The following XPR1 variants were observed in gnomAD, a reference collection of about 807,000 sequenced individuals.
The protein encoded by XPR1 is solute carrier family 53 member 1.
XPR1 carries 28 observed loss-of-function variants against 87.5 expected under a neutral mutation model. That is an observed-to-expected ratio of 0.32 (90% CI 0.24 to 0.44). The LOEUF (loss-of-function observed/expected upper bound fraction) is 0.44. Ranked by LOEUF, XPR1 falls within the 20% of genes least tolerant of loss-of-function variation. The pLI is 1.00. For missense variants in XPR1, 559 were observed against 862.3 expected, an observed-to-expected ratio of 0.65 and a Z score of 4.41; for synonymous variants, 300 against 306.1, an observed-to-expected ratio of 0.98 and a Z score of 0.21.
At chr1:180,775,943 G>A (rs1405085807) in intron 2 of XPR1, among the ~76,000 whole-genome samples, 1 of 152,106 alleles carries the variant, frequency 6.6e-6, no homozygotes, top group Admixed American at 6.5e-5. Context: ...CAGTCAAGAA[G>A]TCCTCTTTCA....
chr1:180,670,221 T>C (rs1312969523), intron 1 of XPR1, among the ~76,000 whole-genome samples: 1 of 152,210 alleles, frequency 6.6e-6, no homozygotes, highest in African/African-American at 2.4e-5. Flanking sequence ...TTTAATTCAT[T>C]TACATCTAAA....
chr1:180,776,684 A>G (rs1160071552), intron 2 of XPR1, among the ~76,000 whole-genome samples: 2 of 152,140 alleles, frequency 1.3e-5, no homozygotes, highest in African/African-American at 4.8e-5. Context: ...CTCCCACTTT[A>G]CTAATGAATT....
At chr1:180,632,941 G>T (rs1001263622) in intron 1 of XPR1, among the ~76,000 whole-genome samples, 1 of 152,232 alleles carries the variant, frequency 6.6e-6, no homozygotes, top group African/African-American at 2.4e-5. Context: ...ATTGCATGAA[G>T]TCTACAGAGT....
At chr1:180,875,743 C>T (rs61811242) in intron 13 of XPR1, among the ~76,000 whole-genome samples, 5 of 151,896 alleles carry the variant, frequency 3.3e-5, no homozygotes, top group African/African-American at 4.8e-5. Flanking sequence ...AAAACAAACA[C>T]ACAATACAGA....
At chr1:180,859,630 G>A (rs1372083568) in intron 11 of XPR1, among the ~76,000 whole-genome samples, 2 of 152,058 alleles carry the variant, frequency 1.3e-5, no homozygotes, top group Admixed American at 1.3e-4. Context: ...CCAAAATGTA[G>A]CATTTGTAGA....
chr1:180,837,260 C>A (rs1054370954), intron 11 of XPR1, among the ~76,000 whole-genome samples: 2 of 152,162 alleles, frequency 1.3e-5, no homozygotes, highest in Admixed American at 1.3e-4. Flanking sequence ...CCACATGCAG[C>A]CACTCCTTTT....
intron 1 of XPR1, among the ~76,000 whole-genome samples, chr1:180,655,966 A>G (rs1434545743): frequency 6.6e-6 from 1 of 151,992 alleles, no homozygotes; most frequent in African/African-American, 2.4e-5. Context: ...CAAACAATCT[A>G]ATTATCCTCT....
chr1:180,850,961 TAAAA>T (rs34627089), intron 11 of XPR1, among the ~76,000 whole-genome samples: 7 of 139,338 alleles, frequency 5.0e-5, no homozygotes, highest in African/African-American at 5.3e-5. Context: ...CCTGTGTCTT[TAAAA>T]AAAAAAAAAA....
Position 180,859,986 on chromosome 1 carries a change from T to G in XPR1, c.1502-3722T>G, listed in dbSNP as rs899422068. On this transcript the variant is annotated intron_variant, in intron 11 of 14. Transcript: ENST00000367590. Reference sequence around the variant, plus strand: ...AAGAGAACTGGAATACAGAATAAATTTTAAAATTTCAGACAATGCAATAAT... The same window carrying G: ...AAGAGAACTGGAATACAGAATAAATGTTAAAATTTCAGACAATGCAATAAT... Among the ~76,000 whole-genome samples, 28 of 152,062 alleles carry G rather than the reference T, an allele frequency of 1.8e-4. No individual in the cohort carries two copies. The South Asian group carries it at 5.8e-3, about 32-fold the overall frequency.
At chr1:180,753,874 A>G (rs765623481) in intron 2 of XPR1, among the ~76,000 whole-genome samples, 2 of 152,166 alleles carry the variant, frequency 1.3e-5, no homozygotes, top group Non-Finnish European at 2.9e-5. Flanking sequence ...CTGTTCTTAT[A>G]GTTGTTTTAT....
intron 3 of XPR1, among the ~76,000 whole-genome samples, chr1:180,796,911 C>T (rs973217407): frequency 1.3e-5 from 2 of 152,010 alleles, no homozygotes; most frequent in Admixed American, 6.6e-5. Context: ...AACCCAAACA[C>T]AAAAGATTAT....
intron 2 of XPR1, among the ~76,000 whole-genome samples, chr1:180,761,923 A>G (rs1004506615): frequency 6.6e-6 from 1 of 152,196 alleles, no homozygotes; most frequent in Non-Finnish European, 1.5e-5. Context: ...CAGATACACC[A>G]TGGAATACTA....
chr1:180,749,861 T>C (rs1361029635), intron 2 of XPR1, among the ~76,000 whole-genome samples: 1 of 152,210 alleles, frequency 6.6e-6, no homozygotes, highest in Non-Finnish European at 1.5e-5. Flanking sequence ...GTCTGTTTTA[T>C]GCTTTAATAT....
intron 2 of XPR1, among the ~76,000 whole-genome samples, chr1:180,763,321 C>T (rs1648125643): frequency 6.6e-6 from 1 of 152,146 alleles, no homozygotes; most frequent in South Asian, 2.1e-4. Context: ...CACAGTTGTG[C>T]ATACTTGGCA....
intron 6 of XPR1, among the ~76,000 whole-genome samples, chr1:180,808,000 A>G (rs1487145625): frequency 5.3e-5 from 8 of 152,184 alleles, no homozygotes. Flanking sequence ...CTGTCTCCAA[A>G]AAAAGAAAAG....
chr1:180,703,054 T>C (rs1657407059), intron 2 of XPR1, among the ~76,000 whole-genome samples: 1 of 152,204 alleles, frequency 6.6e-6, no homozygotes, highest in Non-Finnish European at 1.5e-5. Context: ...CTTTAATTAG[T>C]GTCAGTGGTA....
intron 6 of XPR1, among the ~76,000 whole-genome samples, chr1:180,807,075 T>TA (rs569458438): frequency 8.7e-4 from 131 of 149,822 alleles, no homozygotes; most frequent in African/African-American, 2.9e-3. Flanking sequence ...AGGCATCTAT[T>TA]AAAAAAAAAA....
intron 2 of XPR1, among the ~76,000 whole-genome samples, chr1:180,762,780 T>C (rs1648097137): frequency 6.6e-6 from 1 of 152,242 alleles, no homozygotes; most frequent in Non-Finnish European, 1.5e-5. Flanking sequence ...AGATAGTTCC[T>C]ATAGGAATTA....
rs1023689810 is a variant in XPR1 at position 180,632,110 on chromosome 1, G to C, written c.-92G>C. On this transcript the variant is annotated 5_prime_UTR_variant, in exon 1 of 15. Transcript: ENST00000367590. The stretch of plus-strand genomic sequence containing the variant: ...GGAGAGAAGCGCAGCGCCGCGCCGC[G>C]CCGGGGCCCATGTGGGGAGGAGTCG... 18 of 1,473,610 alleles carry C rather than the reference G, an allele frequency of 1.2e-5. No individual in the cohort carries two copies. The highest frequency in any genetic ancestry group is 5.6e-5 in the African/African-American group (4 of 71,500). The allele number at this position is 1,473,610 out of a possible 1,614,324, so 91.3% of individuals were successfully genotyped here.
Sources: allele counts gnomAD v4.1 joint callset (sites outside exome capture counted in the v4.1 genomes callset), GRCh38; gene constraint gnomAD v4.1.1; transcripts MANE v1.5; gene names NCBI Gene and HGNC (gene_info 2026-07-23, HGNC 2026-07-21).